The following ERP44 variants were observed in gnomAD, a reference collection of about 807,000 sequenced individuals.
ERP44 encodes the protein endoplasmic reticulum resident protein 44.
ERP44 carries 25 observed loss-of-function variants against 53.4 expected under a neutral mutation model. The observed-to-expected ratio is 0.47, with a 90% CI of 0.34 to 0.65. The LOEUF is 0.65. Ranked by LOEUF, ERP44 falls within the 30% of genes least tolerant of loss-of-function variation. The pLI, the probability that ERP44 is intolerant of heterozygous loss-of-function variation, is 0.01. For missense variants in ERP44, 338 were observed against 493.2 expected (o/e 0.69, Z 2.98); for synonymous variants, 145 against 161.2 (o/e 0.90, Z 0.76).
chr9:100,094,120 C>A (rs1826595868), intron 1 of ERP44, among the ~76,000 whole-genome samples: 1 of 152,028 alleles, frequency 6.6e-6, no homozygotes, highest in Non-Finnish European at 1.5e-5. Context: ...AGAATGGTAA[C>A]AACAGTGAAC....
chr9:100,045,986 A>G lies in ERP44; in HGVS notation c.286+6431T>C, dbSNP rs567624732. ...AAAATCTATGGACTGTATTTATAAA[A>G]CTTATTGGAGCTAATAAGTTTTAGT... is the stretch of plus-strand genomic sequence containing the variant. On this transcript the variant is annotated intron_variant, in intron 4 of 11. Transcript: ENST00000262455. Among the ~76,000 whole-genome samples, 12 of 152,310 alleles carry G rather than the reference A, an allele frequency of 7.9e-5. No individual in the cohort carries two copies. In the South Asian group the frequency reaches 2.3e-3, roughly 29 times the overall value.
At chr9:100,049,461 T>G (rs1283625940) in intron 4 of ERP44, among the ~76,000 whole-genome samples, 1 of 152,158 alleles carries the variant, frequency 6.6e-6, no homozygotes, top group Non-Finnish European at 1.5e-5. Flanking sequence ...GTGTAATATT[T>G]GAACAGACAC....
chr9:99,992,133 T>C (rs529889983), intron 10 of ERP44, among the ~76,000 whole-genome samples: 2 of 151,944 alleles, frequency 1.3e-5, no homozygotes, highest in Admixed American at 6.6e-5. Flanking sequence ...TTCCAATCAA[T>C]AGAAAAAGAG....
chr9:99,979,407 C>G lies in ERP44; in HGVS notation c.*3205G>C, dbSNP rs1279403252. 1.3e-5 allele frequency: 2 copies of G among 151,540 alleles called. No homozygotes were observed. The highest frequency in any genetic ancestry group is 2.9e-5 in the Non-Finnish European group (2 of 67,962). 9.4% of individuals were successfully genotyped at this position (151,540 alleles called of 1,614,324 possible). ...GTGAGCTTGAACATTTCAAACACTTCTATATTTCACTCTCCTCTCTGTAGC... is the reference window on the plus strand; with the variant it reads ...GTGAGCTTGAACATTTCAAACACTTGTATATTTCACTCTCCTCTCTGTAGC... On this transcript the variant is annotated 3_prime_UTR_variant, in exon 12 of 12. Transcript: ENST00000262455.
intron 4 of ERP44, among the ~76,000 whole-genome samples, chr9:100,042,688 G>GA (rs1418847424): frequency 2.0e-5 from 3 of 152,092 alleles, no homozygotes; most frequent in Non-Finnish European, 4.4e-5. Context: ...AATGGATAGA[G>GA]AAAATGTGGT....
intron 11 of ERP44, among the ~76,000 whole-genome samples, chr9:99,984,241 G>A (rs1830176039): frequency 1.3e-5 from 2 of 151,948 alleles, no homozygotes; most frequent in Non-Finnish European, 2.9e-5. Flanking sequence ...TTTAAGTTCT[G>A]AGCATATGAA....
intron 10 of ERP44, chr9:99,999,019 G>T: frequency 2.1e-6 from 2 of 968,296 alleles, no homozygotes; most frequent in South Asian, 1.3e-5. Context: ...CGTGGGCAGC[G>T]GGCGCAGCTG....
intron 8 of ERP44, among the ~76,000 whole-genome samples, chr9:100,010,750 T>C (rs1468216956): frequency 4.0e-5 from 6 of 151,432 alleles, no homozygotes; most frequent in Non-Finnish European, 5.9e-5. Context: ...AAATTACAAA[T>C]ATTAGTTGGG....
chr9:100,018,463 T>A (rs1830549071), intron 6 of ERP44, 150 bp from the exon 7 acceptor site: 1 of 580,788 alleles, frequency 1.7e-6, no homozygotes, highest in Non-Finnish European at 3.1e-6. Flanking sequence ...AAACGTTTAA[T>A]ATGAGGCAGA....
At chr9:100,097,412 A>G (rs1326911415) in intron 1 of ERP44, among the ~76,000 whole-genome samples, 1 of 152,126 alleles carries the variant, frequency 6.6e-6, no homozygotes, top group Non-Finnish European at 1.5e-5. Flanking sequence ...TTTTGTGGAT[A>G]AGATTAGTAT....
At chr9:100,020,492 T>C (rs1420801325) in intron 6 of ERP44, 124 bp downstream of exon 6, 4 of 611,278 alleles carry the variant, frequency 6.5e-6, no homozygotes, top group African/African-American at 5.6e-5. Flanking sequence ...AAAGACTGTT[T>C]AGTGATTTTA....
chr9:100,007,570 C>G lies in ERP44; in HGVS notation c.874+8G>C. 1.6e-6 allele frequency: 2 copies of G among 1,285,548 alleles called. No individual in the cohort carries two copies. Among genetic ancestry groups the G allele is most frequent in the South Asian group, 1.2e-5 (1 of 84,274 alleles). 79.6% of individuals were successfully genotyped at this position (1,285,548 alleles called of 1,614,324 possible). ...AAATGATGAAAATAAACACCTTAATCTGTCTACCTTTTTCACTTATTAATT... is the reference window on the plus strand; with the variant it reads ...AAATGATGAAAATAAACACCTTAATGTGTCTACCTTTTTCACTTATTAATT... On this transcript the variant is annotated splice_region_variant and intron_variant, in intron 9 of 11. Transcript: ENST00000262455.
chr9:100,044,727 A>T (rs191868976), intron 4 of ERP44, among the ~76,000 whole-genome samples: 1 of 152,320 alleles, frequency 6.6e-6, no homozygotes, highest in East Asian at 1.9e-4. Flanking sequence ...AACTCCAAGG[A>T]AGTAAGGCGC....
chr9:100,032,706 T>C (rs1456408601), intron 4 of ERP44, among the ~76,000 whole-genome samples: 1 of 152,248 alleles, frequency 6.6e-6, no homozygotes, highest in Non-Finnish European at 1.5e-5. Flanking sequence ...ATAGTGGCTG[T>C]CCTAAGACTT....
intron 10 of ERP44, among the ~76,000 whole-genome samples, chr9:100,005,909 C>T (rs1233383363): frequency 1.3e-5 from 2 of 152,174 alleles, no homozygotes; most frequent in African/African-American, 2.4e-5. Context: ...GTATTTAACA[C>T]CTCACAAAGC....
intron 1 of ERP44, among the ~76,000 whole-genome samples, chr9:100,068,519 T>G (rs1345539477): frequency 6.6e-5 from 5 of 75,676 alleles, no homozygotes; most frequent in Admixed American, 1.5e-4. Flanking sequence ...GGGAGGGAGG[T>G]GGGGGTTCAG....
At chr9:100,073,047 A>G (rs562012344) in intron 1 of ERP44, among the ~76,000 whole-genome samples, 2 of 152,348 alleles carry the variant, frequency 1.3e-5, no homozygotes, top group South Asian at 2.1e-4. Flanking sequence ...TTGGGCTTTA[A>G]TGAAGCAGTT....
intron 1 of ERP44, among the ~76,000 whole-genome samples, chr9:100,067,983 G>A (rs921785400): frequency 6.6e-6 from 1 of 151,142 alleles, no homozygotes; most frequent in Non-Finnish European, 1.5e-5. Context: ...GGAGGGAGGT[G>A]GGGGTCAGCC....
intron 10 of ERP44, among the ~76,000 whole-genome samples, chr9:99,991,044 T>C: frequency 6.6e-6 from 1 of 150,930 alleles, no homozygotes; most frequent in Admixed American, 6.6e-5. Context: ...CAAAGAGACT[T>C]AGACTCCCAC....
Sources: gnomAD v4.1 joint callset for allele counts (sites outside exome capture counted in the v4.1 genomes callset) on GRCh38, gnomAD v4.1.1 for gene constraint, MANE v1.5 for transcripts, NCBI Gene and HGNC (gene_info 2026-07-23, HGNC 2026-07-21) for gene names.